Variants in COL8A1 observed in about 807,000 individuals in gnomAD.
COL8A1 encodes collagen alpha-1(VIII) chain.
Under a neutral mutation model 42.7 loss-of-function variants are expected in COL8A1, and 21 were observed. The observed-to-expected ratio is 0.49, with a 90% CI of 0.35 to 0.71. COL8A1 has a LOEUF of 0.71. Among genes scored for constraint, COL8A1 ranks in the 30% least tolerant of loss-of-function variants. The probability of loss-of-function intolerance (pLI) is 0.01; values close to 1 mark genes in which losing one functional copy is unlikely to be tolerated. For missense variants in COL8A1, 788 were observed against 962.4 expected (o/e 0.82, Z 2.40); for synonymous variants, 367 against 369.1 (o/e 0.99, Z 0.06).
chr3:99,686,955 C>T (rs969275848), intron 1 of COL8A1, among the ~76,000 whole-genome samples: 9 of 152,182 alleles, frequency 5.9e-5, no homozygotes, highest in Non-Finnish European at 1.2e-4. Flanking sequence ...ACTGCAACCC[C>T]TGCCTCCCTC....
chr3:99,734,500 T>C (rs1014679784), intron 1 of COL8A1, among the ~76,000 whole-genome samples: 1 of 151,834 alleles, frequency 6.6e-6, no homozygotes, highest in Non-Finnish European at 1.5e-5. Flanking sequence ...TTCTCTTCCA[T>C]TGAACTATAT....
At chr3:99,651,606 T>C (rs1053107973) in intron 1 of COL8A1, among the ~76,000 whole-genome samples, 1 of 152,258 alleles carries the variant, frequency 6.6e-6, no homozygotes, top group Non-Finnish European at 1.5e-5. Context: ...AATAAAATCC[T>C]GTACCTGGCA....
Position 99,796,025 on chromosome 3 carries a change from C to A in COL8A1, c.2124C>A (p.Leu708=). The change falls in exon 4 of 4, where the codon CTC becomes CTA. Residue 708 remains leucine, a synonymous_variant. Transcript: ENST00000652472. ...DQASGSAVLL[L]RPGDRVFLQM... is the part of the protein sequence containing the mutation. ...CATCTGGGAGTGCAGTGCTGCTGCTCAGGCCCGGAGACCGGGTGTTCCTCC... is the reference window on the plus strand; with the variant it reads ...CATCTGGGAGTGCAGTGCTGCTGCTAAGGCCCGGAGACCGGGTGTTCCTCC... 1.2e-6 allele frequency: 2 copies of A among 1,613,778 alleles called. No homozygotes were observed. The highest frequency in any genetic ancestry group is 2.2e-5 in the South Asian group (2 of 91,074).
intron 1 of COL8A1, among the ~76,000 whole-genome samples, chr3:99,696,652 G>C (rs1403950097): frequency 2.0e-5 from 3 of 152,182 alleles, no homozygotes; most frequent in African/African-American, 7.2e-5. Context: ...ATCTACCAGG[G>C]CTCCAGCAAA....
intron 1 of COL8A1, chr3:99,707,079 G>A (rs1284756444): frequency 6.6e-6 from 1 of 152,204 alleles, no homozygotes; most frequent in Non-Finnish European, 1.5e-5. Context: ...ACTAAGGACA[G>A]AAAAGTGAAA....
At chr3:99,751,740 T>C (rs1941153775) in intron 2 of COL8A1, among the ~76,000 whole-genome samples, 1 of 152,206 alleles carries the variant, frequency 6.6e-6, no homozygotes, top group South Asian at 2.1e-4. Context: ...GGAAAGACGC[T>C]AACAGTGACT....
chr3:99,683,012 A>G (rs1317046710), intron 1 of COL8A1, among the ~76,000 whole-genome samples: 1 of 152,212 alleles, frequency 6.6e-6, no homozygotes, highest in African/African-American at 2.4e-5. Context: ...GAACTTTTTG[A>G]AAGTCCAGAG....
chr3:99,734,777 C>T (rs1940649816), intron 1 of COL8A1, among the ~76,000 whole-genome samples: 1 of 152,012 alleles, frequency 6.6e-6, no homozygotes, highest in African/African-American at 2.4e-5. Context: ...TCTTCCTACC[C>T]ATGAGCATGG....
intron 1 of COL8A1, among the ~76,000 whole-genome samples, chr3:99,728,030 A>G (rs562165549): frequency 0.027 from 4,053 of 149,042 alleles, 216 homozygotes; most frequent in African/African-American, 0.095. Context: ...CCCACAGCCA[A>G]TGTCATACTG....
intron 2 of COL8A1, among the ~76,000 whole-genome samples, chr3:99,750,049 C>CTTTTTTTTTTTTTTTTTTTT (rs1176042144): frequency 1.1e-3 from 75 of 65,944 alleles, no homozygotes; most frequent in Admixed American, 1.5e-3. Context: ...TTTTTTTCTT[C>CTTTTTTTTTTTTTTTTTTTT]TTTTTTTTTT....
chr3:99,704,126 A>G (rs1351998785), intron 1 of COL8A1, among the ~76,000 whole-genome samples: 1 of 152,214 alleles, frequency 6.6e-6, no homozygotes, highest in Non-Finnish European at 1.5e-5. Context: ...ATGTTTACAT[A>G]TATAATTAGG....
At chr3:99,652,636 C>T (rs1446458035) in intron 1 of COL8A1, among the ~76,000 whole-genome samples, 2 of 152,252 alleles carry the variant, frequency 1.3e-5, no homozygotes, top group East Asian at 3.9e-4. Context: ...GACTGACCTG[C>T]AAGGTTTGCT....
chr3:99,732,792 G>T (rs1486444874), intron 1 of COL8A1, among the ~76,000 whole-genome samples: 1 of 151,994 alleles, frequency 6.6e-6, no homozygotes, highest in Non-Finnish European at 1.5e-5. Flanking sequence ...CAAGTCCAAA[G>T]TCTCATCTAA....
intron 1 of COL8A1, among the ~76,000 whole-genome samples, chr3:99,649,518 T>C (rs1262523030): frequency 1.3e-5 from 2 of 152,220 alleles, no homozygotes; most frequent in East Asian, 1.9e-4. Context: ...CTTGATGTGA[T>C]TGGGGTATAT....
In COL8A1 at chr3:99,720,814, T is replaced by A. The variant is rs1420231069; in HGVS notation, c.-128-24083T>A. Among the ~76,000 whole-genome samples, 3 of 152,104 alleles carry A rather than the reference T, an allele frequency of 2.0e-5. No homozygotes were observed. In the East Asian group the frequency reaches 5.8e-4, roughly 29 times the overall value. The stretch of plus-strand genomic sequence containing the variant: ...TGGATTAGAGATTAAGAAAAGACAA[T>A]CTTTGGTTTTGGAATCAAAAGTGGG... On this transcript the variant is annotated intron_variant, in intron 1 of 3. Coordinates refer to ENST00000652472, the MANE Select transcript of COL8A1 (RefSeq NM_020351.4).
At chr3:99,684,217 G>A (rs1938979844) in intron 1 of COL8A1, among the ~76,000 whole-genome samples, 1 of 152,142 alleles carries the variant, frequency 6.6e-6, no homozygotes. Context: ...TTTAGTCACT[G>A]TGTAATGAGC....
chr3:99,742,490 A>T (rs1940923676), intron 1 of COL8A1, among the ~76,000 whole-genome samples: 1 of 152,224 alleles, frequency 6.6e-6, no homozygotes, highest in Non-Finnish European at 1.5e-5. Flanking sequence ...ACTCTTTCTC[A>T]CAGTATTATG....
intron 2 of COL8A1, among the ~76,000 whole-genome samples, chr3:99,755,668 T>C (rs1368346671): frequency 6.6e-6 from 1 of 152,242 alleles, no homozygotes; most frequent in African/African-American, 2.4e-5. Flanking sequence ...ACATGTGATC[T>C]GAGATCTGAA....
intron 2 of COL8A1, among the ~76,000 whole-genome samples, chr3:99,770,875 G>A (rs553794949): frequency 1.3e-5 from 2 of 152,334 alleles, no homozygotes; most frequent in African/African-American, 4.8e-5. Flanking sequence ...TTCAGCTATT[G>A]AGAATGCTAT....
Sources: gnomAD v4.1 joint callset for allele counts (sites outside exome capture counted in the v4.1 genomes callset) on GRCh38, gnomAD v4.1.1 for gene constraint, MANE v1.5 for transcripts, NCBI Gene and HGNC (gene_info 2026-07-23, HGNC 2026-07-21) for gene names.